Variants in TVP23C observed in about 807,000 individuals in gnomAD.
The protein encoded by TVP23C is Golgi apparatus membrane protein TVP23 homolog C.
TVP23C carries 19 observed loss-of-function variants against 28.7 expected under a neutral mutation model. The observed-to-expected ratio is 0.66, with a 90% confidence interval of 0.46 to 0.97. The LOEUF (loss-of-function observed/expected upper bound fraction) is 0.97. TVP23C is among the 50% of genes least tolerant of loss of function. TVP23C has a pLI of 0.00. For missense variants in TVP23C, 186 were observed against 241.3 expected, an observed-to-expected ratio of 0.77 and a Z score of 1.52; for synonymous variants, 68 against 81.7, an observed-to-expected ratio of 0.83 and a Z score of 0.90.
chr17:15,551,123 T>C (rs1430400133), intron 3 of TVP23C, among the ~76,000 whole-genome samples: 1 of 149,204 alleles, frequency 6.7e-6, no homozygotes, highest in Non-Finnish European at 1.5e-5. Context: ...GCCATTATTG[T>C]TTTTTTTTTT....
chr17:15,542,721 C>T (rs976148325), intron 5 of TVP23C, among the ~76,000 whole-genome samples: 14 of 152,216 alleles, frequency 9.2e-5, no homozygotes, highest in South Asian at 2.1e-4. Flanking sequence ...GTGATCCGCC[C>T]GCCTTGGCCC....
chr17:15,559,313 T>TAA (rs56346847), intron 1 of TVP23C, among the ~76,000 whole-genome samples: 9,980 of 104,986 alleles, frequency 0.095, 914 homozygotes, highest in East Asian at 0.43. Context: ...GGTACAGATT[T>TAA]AAAAAAAAAA....
intron 5 of TVP23C, among the ~76,000 whole-genome samples, chr17:15,525,321 G>A (rs1982675195): frequency 6.6e-6 from 1 of 152,248 alleles, no homozygotes; most frequent in African/African-American, 2.4e-5. Context: ...GGAAGCGTGT[G>A]ATGGTTAATT....
At chr17:15,527,529 CA>C (rs1344354198) in intron 5 of TVP23C, among the ~76,000 whole-genome samples, 1 of 152,066 alleles carries the variant, frequency 6.6e-6, no homozygotes, top group Non-Finnish European at 1.5e-5. Flanking sequence ...TCCATCTGAG[CA>C]AGTTACCATT....
At position 15,558,942 on chromosome 17, in the gene TVP23C, C is replaced by A. The variant is rs892674444; in HGVS notation, c.13-3578G>T. On this transcript the variant is annotated intron_variant, in intron 1 of 5. Coordinates refer to ENST00000518321, the MANE Select transcript of TVP23C (RefSeq NM_001135036.2). ...GCAGTGGAACAATCAGGGGTCACTA[C>A]TGCAGGCTCTACATCTCAGCCTCCT... 4.8e-5 allele frequency among the ~76,000 whole-genome samples: 7 copies of A among 146,960 alleles called. 1 individual carries two copies. Among genetic ancestry groups the A allele is most frequent in the African/African-American group, 1.7e-4 (7 of 40,786 alleles).
intron 5 of TVP23C, among the ~76,000 whole-genome samples, chr17:15,521,172 G>A (rs2954734): frequency 0.76 from 115,094 of 151,158 alleles, 44,627 homozygotes; most frequent in Middle Eastern, 0.89. Flanking sequence ...TCAAAATTCT[G>A]GCAGAGCTTT....
At chr17:15,503,110 C>T in exon 6 of TVP23C, 1 of 1,613,800 alleles carries the variant, frequency 6.2e-7, no homozygotes, top group Non-Finnish European at 8.5e-7. Context: ...GATGAAACTT[C>T]CTCGAGGGAT....
chr17:15,536,264 A>G, downstream of TVP23C, among the ~76,000 whole-genome samples: 1 of 152,102 alleles, frequency 6.6e-6, no homozygotes, highest in East Asian at 1.9e-4. Context: ...TATCTACCTC[A>G]TTTCTCTGCC....
Position 15,539,632 on chromosome 17 carries a change from T to C in TVP23C, c.*780A>G. 1 of 983,018 alleles carries C rather than the reference T, an allele frequency of 1.0e-6. No homozygotes were observed. Among genetic ancestry groups the C allele is most frequent in the Non-Finnish European group, 1.2e-6 (1 of 828,406 alleles). 60.9% of individuals were successfully genotyped at this position (983,018 alleles called of 1,614,324 possible). A position where few individuals can be genotyped will look rare whatever the true frequency, so the allele number is the denominator to read the frequency against. On this transcript the variant is annotated 3_prime_UTR_variant, in exon 6 of 6. Transcript: ENST00000518321. ...AAAAAAAAAAAAAAGACCTAGTCAC[T>C]TTTCCCAAGAGATTTAACCAATAAT...
intron 5 of TVP23C, among the ~76,000 whole-genome samples, chr17:15,513,908 C>T (rs765175213): frequency 3.3e-5 from 5 of 152,206 alleles, no homozygotes; most frequent in Non-Finnish European, 5.9e-5. Context: ...GCAGAAGAAG[C>T]TGGATGTAGA....
downstream of TVP23C, among the ~76,000 whole-genome samples, chr17:15,533,625 C>T (rs1983034716): frequency 6.6e-6 from 1 of 152,230 alleles, no homozygotes; most frequent in South Asian, 2.1e-4. Flanking sequence ...GCGGTTGAAT[C>T]GAGTTGGGTT....
chr17:15,515,766 A>AC (rs1982199884), intron 5 of TVP23C, among the ~76,000 whole-genome samples: 1 of 152,062 alleles, frequency 6.6e-6, no homozygotes, highest in Non-Finnish European at 1.5e-5. Flanking sequence ...TGGATTGCAG[A>AC]CCCGAGCAAG....
intron 5 of TVP23C, among the ~76,000 whole-genome samples, chr17:15,523,737 C>T (rs1982588074): frequency 6.6e-6 from 1 of 151,884 alleles, no homozygotes; most frequent in African/African-American, 2.4e-5. Flanking sequence ...CCTCAGTCTC[C>T]CAAGTAGCTG....
At chr17:15,504,501 A>G (rs576099360) in intron 5 of TVP23C, among the ~76,000 whole-genome samples, 3 of 152,326 alleles carry the variant, frequency 2.0e-5, no homozygotes, top group South Asian at 4.1e-4. Flanking sequence ...AGAGCGCGGA[A>G]GATGAGGCAG....
chr17:15,561,648 A>G (rs1984402728), intron 1 of TVP23C, among the ~76,000 whole-genome samples: 1 of 152,162 alleles, frequency 6.6e-6, no homozygotes, highest in Admixed American at 6.5e-5. Context: ...AAATAAATAA[A>G]TAAATAAATA....
At chr17:15,557,518 C>T (rs563488133) in intron 1 of TVP23C, among the ~76,000 whole-genome samples, 1 of 148,716 alleles carries the variant, frequency 6.7e-6, no homozygotes, top group Admixed American at 6.8e-5. Flanking sequence ...AGGCTGGTTT[C>T]AAACTCCTGA....
At chr17:15,563,114 G>A (rs1349401662) in intron 1 of TVP23C, 2 of 428,668 alleles carry the variant, frequency 4.7e-6, no homozygotes, top group Non-Finnish European at 8.4e-6. Flanking sequence ...GAAGCTAAGA[G>A]GCCCGCAGGC....
intron 5 of TVP23C, among the ~76,000 whole-genome samples, chr17:15,527,302 A>G (rs1244177946): frequency 2.0e-5 from 3 of 152,214 alleles, no homozygotes; most frequent in Non-Finnish European, 2.9e-5. Context: ...GCTCTGTTAC[A>G]TTTATTTTGT....
intron 5 of TVP23C, among the ~76,000 whole-genome samples, chr17:15,515,882 T>C (rs73289550): frequency 0.055 from 8,373 of 152,122 alleles, 782 homozygotes; most frequent in African/African-American, 0.19. Context: ...TGTCAGGTGA[T>C]TGGATCATGG....
Sources: gnomAD v4.1 joint callset for allele counts (sites outside exome capture counted in the v4.1 genomes callset) on GRCh38, gnomAD v4.1.1 for gene constraint, MANE v1.5 for transcripts, NCBI Gene and HGNC (gene_info 2026-07-23, HGNC 2026-07-21) for gene names.